MAP3K15: variants seen among roughly 807,000 people sequenced by gnomAD.
The protein encoded by MAP3K15 is mitogen-activated protein kinase kinase kinase 15, also known as MAPK/ERK kinase kinase 15.
In MAP3K15, 124 loss-of-function variants were observed where a neutral mutation model predicts 99.5. That is an observed-to-expected ratio of 1.25 (90% CI 1.08 to 1.45). The LOEUF (loss-of-function observed/expected upper bound fraction) is 1.45. Among genes scored for constraint, MAP3K15 ranks in the 40% most tolerant of loss-of-function variants. The probability of loss-of-function intolerance (pLI) is 0.00; values close to 1 mark genes in which losing one functional copy is unlikely to be tolerated. For synonymous variants in MAP3K15, 494 were observed against 439.6 expected (o/e 1.12, Z -1.55); for missense variants, 1,242 against 1,079.7 (o/e 1.15, Z -2.11).
intron 3 of MAP3K15, among the ~76,000 whole-genome samples, chrX:19,483,120 T>C (rs2064302241): frequency 9.2e-6 from 1 of 109,083 alleles, no homozygotes; most frequent in Admixed American, 9.8e-5. Context: ...TAGCCGGTCA[T>C]GGTGGCACAT....
At chrX:19,470,229 G>T (rs926832946) in intron 3 of MAP3K15, among the ~76,000 whole-genome samples, 2 of 111,242 alleles carry the variant, frequency 1.8e-5, no homozygotes, top group Non-Finnish European at 3.8e-5. Flanking sequence ...CCATAAAAAA[G>T]GATGAGTTCA....
At chrX:19,401,882 T>C (rs1460756853) in intron 13 of MAP3K15, among the ~76,000 whole-genome samples, 1 of 112,154 alleles carries the variant, frequency 8.9e-6, no homozygotes, top group Non-Finnish European at 1.9e-5. Flanking sequence ...AAATGCTCTT[T>C]TTTCTAACTA....
chrX:19,365,220 A>C (rs73637632), intron 25 of MAP3K15, among the ~76,000 whole-genome samples: 23,142 of 109,549 alleles, frequency 0.21, 4,867 homozygotes, highest in African/African-American at 0.65. Flanking sequence ...AAAAAAAAAA[A>C]AAAAAGTTCT....
Position 19,498,053 on chromosome X carries a change from C to CT in MAP3K15, c.362-9087dup, listed in dbSNP as rs1303398205. Among the ~76,000 whole-genome samples, 3 of 111,854 alleles carry CT rather than the reference C, an allele frequency of 2.7e-5. No homozygotes were observed. The Admixed American group carries it at 2.9e-4, about 11-fold the overall frequency. On this transcript the variant is annotated intron_variant, in intron 1 of 28. Coordinates refer to ENST00000338883, the MANE Select transcript of MAP3K15 (RefSeq NM_001001671.4). ...AAATAATGTATAAAAAGAATATATA[C>CT]TAACAAGTGAAATGTGATAAATGGA...
rs1032692595 is a variant in MAP3K15 at position 19,383,240 on chromosome X, G to A, written c.2432-2963C>T. Among the ~76,000 whole-genome samples the A allele has an allele frequency of 4.5e-5, 5 of 112,186 alleles. 1 individual carries two copies. The highest frequency in any genetic ancestry group is 9.7e-5 in the African/African-American group (3 of 30,856). The stretch of plus-strand genomic sequence containing the variant: ...CTGCCTTTCTGGTTTTTGGTAACCA[G>A]CAAACAGTTATTTCTATTAAATTCT... On this transcript the variant is annotated intron_variant, in intron 18 of 28. Transcript: ENST00000338883.
At chrX:19,386,323 G>C in intron 18 of MAP3K15, among the ~76,000 whole-genome samples, 1 of 111,311 alleles carries the variant, frequency 9.0e-6, no homozygotes, top group Middle Eastern at 4.6e-3. Flanking sequence ...GGGCATGGTG[G>C]CGTGTGCCTG....
rs2063722917 is a variant in MAP3K15 at position 19,415,087 on chromosome X, A to G, written c.1590+20T>C. ...GTTTTTTTCCTAATCTTAAAAAAAAATGGATTTAGCATATCTTACTGGAAA... is the reference window on the plus strand; with the variant it reads ...GTTTTTTTCCTAATCTTAAAAAAAAGTGGATTTAGCATATCTTACTGGAAA... On this transcript the variant is annotated intron_variant, in intron 10 of 28. Transcript: ENST00000338883. 1 of 1,115,207 alleles carries G rather than the reference A, an allele frequency of 9.0e-7. No individual in the cohort carries two copies. Among genetic ancestry groups the G allele is most frequent in the South Asian group, 2.2e-5 (1 of 45,300 alleles). 91.9% of individuals were successfully genotyped at this position (1,115,207 alleles called of 1,213,427 possible). A position where few individuals can be genotyped will look rare whatever the true frequency, so the allele number is the denominator to read the frequency against.
chrX:19,441,311 G>T lies in MAP3K15; in HGVS notation c.996-9703C>A, dbSNP rs143860692. Among the ~76,000 whole-genome samples, 8 of 109,719 alleles carry T rather than the reference G, an allele frequency of 7.3e-5. No individual in the cohort carries two copies. In the South Asian group the frequency reaches 2.5e-3, roughly 34 times the overall value. ...TGGATCAGTGATTGCTTAGGAATAG[G>T]GGGGGAAGAATTGAGGGAAGCTGGG... is the stretch of plus-strand genomic sequence containing the variant. On this transcript the variant is annotated intron_variant, in intron 6 of 28. Transcript: ENST00000338883.
rs746106862 is a variant in MAP3K15, at chrX:19,426,818, C to CAAAAAAAAAAA, written c.1167-486_1167-476dup. Among the ~76,000 whole-genome samples, 63 of 21,140 alleles carry CAAAAAAAAAAA rather than the reference C, an allele frequency of 3.0e-3. 12 individuals are homozygous for CAAAAAAAAAAA. The highest frequency in any genetic ancestry group is 0.012 in the African/African-American group (56 of 4,820). 18.4% of individuals were successfully genotyped at this position (21,140 alleles called of 115,157 possible). ...GGGTGACAGAGCGAGAATCTGTCTCCAAAAAAAAAAAAAAAAAAAAAAAAA... is the reference window on the plus strand; with the variant it reads ...GGGTGACAGAGCGAGAATCTGTCTCCAAAAAAAAAAAAAAAAAAAAAAAAAAAAAAAAAAAA... On this transcript the variant is annotated intron_variant, in intron 7 of 28. Coordinates refer to ENST00000338883, the MANE Select transcript of MAP3K15 (RefSeq NM_001001671.4).
At chrX:19,467,228 C>G (rs901425739) in intron 3 of MAP3K15, among the ~76,000 whole-genome samples, 6 of 110,969 alleles carry the variant, frequency 5.4e-5, no homozygotes, top group Non-Finnish European at 1.1e-4. Flanking sequence ...ACTGCTCCCC[C>G]GCCCCCACAC....
intron 24 of MAP3K15, among the ~76,000 whole-genome samples, chrX:19,369,911 G>GA (rs1225091488): frequency 2.8e-3 from 280 of 100,272 alleles, no homozygotes; most frequent in Non-Finnish European, 3.0e-3. Flanking sequence ...CTCTGTCTCA[G>GA]AAAAAAAAAA....
chrX:19,360,831 C>G lies in MAP3K15; in HGVS notation c.3860G>C (p.Gly1287Ala). The change falls in exon 29 of 29, where the codon GGT becomes GCT. Residue 1287 changes from glycine (G) to alanine (A), a missense_variant and splice_region_variant. Transcript: ENST00000338883. Reference sequence around the variant, plus strand: ...ACTCCAGAGTCTGCAGAGGAGACCACCCCTGGGAAACAAACACAGCTGTCT... The same window carrying G: ...ACTCCAGAGTCTGCAGAGGAGACCAGCCCTGGGAAACAAACACAGCTGTCT... ...KEDLRYLRLR[G>A]GLLCRLWSAV... 2 of 1,197,135 alleles carry G rather than the reference C, an allele frequency of 1.7e-6. No homozygotes were observed. Among genetic ancestry groups the G allele is most frequent in the Non-Finnish European group, 2.3e-6 (2 of 887,529 alleles).
chrX:19,478,977 G>C (rs1457814751), intron 3 of MAP3K15, among the ~76,000 whole-genome samples: 2 of 111,189 alleles, frequency 1.8e-5, no homozygotes, highest in Admixed American at 1.9e-4. Flanking sequence ...TGCCTCTCTA[G>C]CAAGGCTATG....
At chrX:19,370,370 TC>T (rs1453424681) in intron 24 of MAP3K15, among the ~76,000 whole-genome samples, 6 of 110,842 alleles carry the variant, frequency 5.4e-5, no homozygotes, top group Non-Finnish European at 1.1e-4. Flanking sequence ...GGCCCCATGC[TC>T]CCTTTTAATT....
In MAP3K15 at chrX:19,372,642, CGGGCAAATACCT is replaced by C. The variant is rs1569201326; in HGVS notation, c.3107_3108+10del. ...AGCGGGAAGAGTCGGTGCCCTCCCT[CGGGCAAATACCT>C]GGGCCACACACTCCTGCAGGTTGGA... On this transcript the variant is annotated splice_donor_variant and splice_donor_5th_base_variant and coding_sequence_variant and intron_variant, in exon 22 of 29. Coordinates refer to ENST00000338883, the MANE Select transcript of MAP3K15 (RefSeq NM_001001671.4). LOFTEE classifies it high-confidence loss of function. 3 of 1,190,615 alleles carry C rather than the reference CGGGCAAATACCT, an allele frequency of 2.5e-6. No homozygotes were observed. The African/African-American group carries it at 5.3e-5, about 21-fold the overall frequency.
intron 18 of MAP3K15, among the ~76,000 whole-genome samples, chrX:19,390,817 A>G (rs1239317076): frequency 9.1e-6 from 1 of 109,506 alleles, no homozygotes; most frequent in Non-Finnish European, 1.9e-5. Flanking sequence ...TACAGGTGTC[A>G]GCCACTATAC....
At chrX:19,479,673 T>G (rs777842976) in intron 3 of MAP3K15, among the ~76,000 whole-genome samples, 2 of 112,450 alleles carry the variant, frequency 1.8e-5, no homozygotes, top group African/African-American at 6.5e-5. Flanking sequence ...TACTAGGAAG[T>G]TCCAAGGTTA....
intron 13 of MAP3K15, among the ~76,000 whole-genome samples, chrX:19,405,811 T>C (rs2063644060): frequency 8.9e-6 from 1 of 112,204 alleles, no homozygotes; most frequent in Non-Finnish European, 1.9e-5. Flanking sequence ...GTAAAACCAA[T>C]GTGGTAAGGG....
chrX:19,377,653 C>T (rs747555523), intron 19 of MAP3K15, among the ~76,000 whole-genome samples: 37 of 112,478 alleles, frequency 3.3e-4, no homozygotes, highest in South Asian at 7.4e-4. Context: ...CTTCAGCTCT[C>T]TCCCTGGTTT....
Sources: allele counts gnomAD v4.1 joint callset (sites outside exome capture counted in the v4.1 genomes callset), GRCh38; gene constraint gnomAD v4.1.1; transcripts MANE v1.5; gene names NCBI Gene and HGNC (gene_info 2026-07-23, HGNC 2026-07-21).